NEK6: variants seen among roughly 807,000 people sequenced by gnomAD.
NEK6 encodes the protein NIMA related kinase 6.
A neutral mutation model predicts 43.5 loss-of-function variants in NEK6; 27 were observed. The observed-to-expected ratio is 0.62, with a 90% CI of 0.46 to 0.86. The LOEUF is 0.86. Ranked by LOEUF, NEK6 falls within the 40% of genes least tolerant of loss-of-function variation. The pLI is 0.00. For missense variants in NEK6, 318 were observed against 414.4 expected, an observed-to-expected ratio of 0.77 and a Z score of 2.02; for synonymous variants, 167 against 164.1, an observed-to-expected ratio of 1.02 and a Z score of -0.14.
chr9:124,275,835 G>T lies in NEK6; in HGVS notation c.-30+17750G>T, dbSNP rs1292279734. 2.0e-5 allele frequency among the ~76,000 whole-genome samples: 3 copies of T among 152,260 alleles called. No homozygotes were observed. Among genetic ancestry groups the T allele is most frequent in the East Asian group, 3.8e-4 (2 of 5,196 alleles). On this transcript the variant is annotated intron_variant, in intron 1 of 9. Transcript: ENST00000320246. This position sits in a 1 kb window ranked among gnomAD's most constrained non-coding sequence, Gnocchi z 4.4. ...CCTCAGGCCTGTGGCCATGGGGACA[G>T]CTGAGATGCTGAGACCACTGTGTCC...
At chr9:124,312,319 GAGGGGACCC>G (rs1355166193) in intron 2 of NEK6, among the ~76,000 whole-genome samples, 181 bp from the exon 3 acceptor site, 1 of 152,190 alleles carries the variant, frequency 6.6e-6, no homozygotes, top group Non-Finnish European at 1.5e-5. Flanking sequence ...GGGGGTCCTT[GAGGGGACCC>G]AGGGGACCCT....
At chr9:124,272,539 C>T (rs930119952) in intron 1 of NEK6, among the ~76,000 whole-genome samples, 8 of 152,250 alleles carry the variant, frequency 5.3e-5, no homozygotes, top group African/African-American at 9.6e-5. Flanking sequence ...TGCTGCCTTT[C>T]GTGTGAGGTC....
chr9:124,265,117 G>A (rs1044095032), intron 1 of NEK6, among the ~76,000 whole-genome samples: 9 of 152,194 alleles, frequency 5.9e-5, no homozygotes, highest in Admixed American at 2.0e-4. Flanking sequence ...TTGGGGTGAC[G>A]CAGACGTTTT....
intron 7 of NEK6, among the ~76,000 whole-genome samples, chr9:124,329,130 T>G (rs968079978): frequency 9.2e-5 from 14 of 152,258 alleles, no homozygotes; most frequent in South Asian, 8.3e-4. Flanking sequence ...CCCGGGCCAC[T>G]GACTCTCCGT....
chr9:124,268,972 C>T (rs1178460052), intron 1 of NEK6, among the ~76,000 whole-genome samples: 2 of 152,058 alleles, frequency 1.3e-5, no homozygotes, highest in Non-Finnish European at 1.5e-5. Flanking sequence ...TCGGCAGATG[C>T]GGGAAGGAGG....
chr9:124,259,908 G>C (rs533897613), intron 1 of NEK6, among the ~76,000 whole-genome samples: 1 of 152,192 alleles, frequency 6.6e-6, no homozygotes, highest in Non-Finnish European at 1.5e-5. Context: ...GAAATGGAGC[G>C]CCTGGCTTTA....
At chr9:124,266,426 T>C (rs994312393) in intron 1 of NEK6, among the ~76,000 whole-genome samples, 4 of 152,058 alleles carry the variant, frequency 2.6e-5, no homozygotes, top group African/African-American at 9.7e-5. Context: ...GGGTCTGAGC[T>C]GAAAATTGGA....
chr9:124,338,097 C>T (rs575522592), intron 7 of NEK6, among the ~76,000 whole-genome samples: 45 of 152,326 alleles, frequency 3.0e-4, no homozygotes, highest in African/African-American at 9.4e-4. Context: ...TCTTCTGCCT[C>T]AGCCTCCTGA....
At chr9:124,290,644 G>C (rs1281395004) in intron 1 of NEK6, among the ~76,000 whole-genome samples, 1 of 152,242 alleles carries the variant, frequency 6.6e-6, no homozygotes, top group Non-Finnish European at 1.5e-5. Context: ...ACCAGGGGCT[G>C]GGGCTGGCCT....
At chr9:124,333,959 A>T (rs1829157784) in intron 7 of NEK6, among the ~76,000 whole-genome samples, 1 of 151,940 alleles carries the variant, frequency 6.6e-6, no homozygotes, top group Non-Finnish European at 1.5e-5. Context: ...TTAAATTTTT[A>T]GTAGAGATGG....
intron 1 of NEK6, among the ~76,000 whole-genome samples, chr9:124,279,300 C>CTTTTTT (rs1165676719): frequency 7.2e-6 from 1 of 138,182 alleles, no homozygotes; most frequent in Admixed American, 7.2e-5. Flanking sequence ...TTTCTCTTCC[C>CTTTTTT]TTTTTTTTTT....
chr9:124,293,468 A>C (rs1384670660), intron 1 of NEK6, among the ~76,000 whole-genome samples: 1 of 152,224 alleles, frequency 6.6e-6, no homozygotes, highest in Non-Finnish European at 1.5e-5. Context: ...CTGAGAGACA[A>C]GATGTTTACA....
At chr9:124,313,827 G>A (rs1833673334) in intron 3 of NEK6, 96 bp from the exon 4 acceptor site, 4 of 1,224,968 alleles carry the variant, frequency 3.3e-6, no homozygotes, top group Middle Eastern at 1.9e-4. Context: ...GTGAGGAGGT[G>A]GGAGAGCCGG....
intron 4 of NEK6, among the ~76,000 whole-genome samples, chr9:124,317,281 C>T (rs1052756525): frequency 6.6e-6 from 1 of 152,172 alleles, no homozygotes; most frequent in African/African-American, 2.4e-5. Context: ...ATAACAGGGT[C>T]TCGCTCTGTC....
rs138215647 is a variant in NEK6, at chr9:124,275,803, G to A, written c.-30+17718G>A. On this transcript the variant is annotated intron_variant, in intron 1 of 9. Transcript: ENST00000320246. This position sits in a 1 kb window ranked among gnomAD's most constrained non-coding sequence, Gnocchi z 4.4. Reference sequence around the variant, plus strand: ...GAGGGGAGGGAGCAATGCACCCTTCGTTTGTTCCTCAGGCCTGTGGCCATG... The same window carrying A: ...GAGGGGAGGGAGCAATGCACCCTTCATTTGTTCCTCAGGCCTGTGGCCATG... 7.0e-4 allele frequency among the ~76,000 whole-genome samples: 106 copies of A among 152,352 alleles called. No individual in the cohort carries two copies. The East Asian group carries it at 0.013, about 19-fold the overall frequency.
At chr9:124,299,369 G>A (rs1832845116) in intron 1 of NEK6, among the ~76,000 whole-genome samples, 1 of 152,360 alleles carries the variant, frequency 6.6e-6, no homozygotes, top group South Asian at 2.1e-4. Context: ...AGAGCCTGCA[G>A]GAGGCTCAGT....
intron 8 of NEK6, 106 bp from the exon 9 acceptor site, chr9:124,347,603 G>A (rs1830007558): frequency 1.5e-6 from 1 of 668,346 alleles, no homozygotes; most frequent in Non-Finnish European, 2.5e-6. Flanking sequence ...CCGCGGTCGG[G>A]ACCAGAGAGA....
In NEK6 at chr9:124,353,294, C is replaced by G; in HGVS notation, c.*2347C>G. The G allele has an allele frequency of 2.6e-6, 1 of 390,182 alleles. No homozygotes were observed. Among genetic ancestry groups the G allele is most frequent in the Non-Finnish European group, 4.6e-6 (1 of 216,380 alleles). 24.2% of individuals were successfully genotyped at this position (390,182 alleles called of 1,614,324 possible). A position where few individuals can be genotyped will look rare whatever the true frequency, so the allele number is the denominator to read the frequency against. On this transcript the variant is annotated 3_prime_UTR_variant, in exon 10 of 10. Coordinates refer to ENST00000320246, the MANE Select transcript of NEK6 (RefSeq NM_014397.6). Reference sequence around the variant, plus strand: ...ACCTGAAGCCTCAAGGGAGTCCACTCTGACTTCTGACAGCAGACAGAACCT... The same window carrying G: ...ACCTGAAGCCTCAAGGGAGTCCACTGTGACTTCTGACAGCAGACAGAACCT...
chr9:124,326,360 G>T lies in NEK6; in HGVS notation c.436G>T (p.Glu146Ter). 1 of 1,611,802 alleles carries T rather than the reference G, an allele frequency of 6.2e-7. No homozygotes were observed. ...YFKKQKRLIPERTVWKYFVQL... is the reference protein window; with the variant it reads ...YFKKQKRLIP Reference sequence around the variant, plus strand: ...TAAGAAGCAGAAGCGGCTCATCCCGGAGAGGACAGTATGGAAGTACTTTGT... The same window carrying T: ...TAAGAAGCAGAAGCGGCTCATCCCGTAGAGGACAGTATGGAAGTACTTTGT... The change falls in exon 6 of 10, where the codon GAG becomes TAG. Residue 146 changes from glutamate (E) to a stop codon, truncating the protein, a stop_gained. Coordinates refer to ENST00000320246, the MANE Select transcript of NEK6 (RefSeq NM_014397.6). LOFTEE classifies it high-confidence loss of function. The surrounding 1 kb of genome is among the most constrained non-coding windows in gnomAD (Gnocchi z 4.5).
Sources: allele counts gnomAD v4.1 joint callset (sites outside exome capture counted in the v4.1 genomes callset), GRCh38; gene constraint gnomAD v4.1.1; non-coding constraint Gnocchi (gnomAD v3.1); transcripts MANE v1.5; gene names NCBI Gene and HGNC (gene_info 2026-07-23, HGNC 2026-07-21).